Variants in CSMD1 observed in about 807,000 individuals in gnomAD.
CSMD1 encodes CUB and Sushi multiple domains 1.
A neutral mutation model predicts 417.5 loss-of-function variants in CSMD1; 213 were observed. That is an observed-to-expected ratio of 0.51 (90% CI 0.46 to 0.57). The LOEUF is 0.57. CSMD1 is among the 20% of genes least tolerant of loss of function. The pLI, the probability that CSMD1 is intolerant of heterozygous loss-of-function variation, is 0.00. For missense variants in CSMD1, 6,923 were observed against 4,529.7 expected (o/e 1.53, Z -15.17); for synonymous variants, 2,862 against 1,736.8 (o/e 1.65, Z -16.11).
At chr8:3,699,842 C>G (rs1563286043) in intron 7 of CSMD1, among the ~76,000 whole-genome samples, 1 of 151,208 alleles carries the variant, frequency 6.6e-6, no homozygotes, top group Non-Finnish European at 1.5e-5. Context: ...TCCCACACGA[C>G]ACACCATCCC....
At position 3,721,746 on chromosome 8, in the gene CSMD1, T is replaced by G. The variant is rs147757703; in HGVS notation, c.932-13255A>C. Among the ~76,000 whole-genome samples the G allele has an allele frequency of 4.7e-3, 718 of 152,316 alleles. 4 individuals are homozygous for G. The highest frequency in any genetic ancestry group is 0.016 in the African/African-American group (649 of 41,572). ...GGGGTGAAAAATAAAGGAACAGAAT[T>G]CTAAATTCTTTACATGAGGATAATA... On this transcript the variant is annotated intron_variant, in intron 6 of 69. Transcript: ENST00000635120.
chr8:3,571,675 T>A (rs2116923653), intron 10 of CSMD1, among the ~76,000 whole-genome samples: 1 of 152,116 alleles, frequency 6.6e-6, no homozygotes, highest in Non-Finnish European at 1.5e-5. Flanking sequence ...TCGGGGGTCC[T>A]GTGTTCCTCC....
chr8:3,485,729 C>T (rs1817990595), intron 11 of CSMD1, among the ~76,000 whole-genome samples: 1 of 150,398 alleles, frequency 6.6e-6, no homozygotes, highest in African/African-American at 2.5e-5. Context: ...CACTGCACTA[C>T]AGCCTGGGTG....
intron 1 of CSMD1, among the ~76,000 whole-genome samples, chr8:4,785,026 C>T (rs1303831520): frequency 1.3e-5 from 2 of 152,178 alleles, no homozygotes; most frequent in East Asian, 1.9e-4. Context: ...GAAATCAGTT[C>T]TGGGCACTGA....
At chr8:4,834,357 G>A (rs1309281351) in intron 1 of CSMD1, among the ~76,000 whole-genome samples, 1 of 152,174 alleles carries the variant, frequency 6.6e-6, no homozygotes, top group Non-Finnish European at 1.5e-5. Flanking sequence ...CGCATCATCT[G>A]TAGGAAGATA....
intron 12 of CSMD1, among the ~76,000 whole-genome samples, chr8:3,453,414 T>C (rs1267712843): frequency 5.3e-5 from 8 of 152,194 alleles, no homozygotes; most frequent in East Asian, 1.9e-4. Context: ...AGGATGTCAA[T>C]TTTAGATCTT....
intron 11 of CSMD1, among the ~76,000 whole-genome samples, chr8:3,477,130 G>C (rs986313483): frequency 3.9e-5 from 6 of 152,196 alleles, no homozygotes; most frequent in African/African-American, 1.2e-4. Flanking sequence ...AAAATAATTT[G>C]TTCAGACCTG....
chr8:3,800,938 G>A (rs529403751), intron 5 of CSMD1, among the ~76,000 whole-genome samples: 1 of 151,728 alleles, frequency 6.6e-6, no homozygotes, highest in Non-Finnish European at 1.5e-5. Flanking sequence ...AATTTATCCA[G>A]CCCCAAATAT....
intron 23 of CSMD1, among the ~76,000 whole-genome samples, chr8:3,323,328 A>T (rs1466487593): frequency 6.6e-6 from 1 of 152,080 alleles, no homozygotes; most frequent in Non-Finnish European, 1.5e-5. Flanking sequence ...CCATTTTCCC[A>T]AGTCTTACCT....
chr8:4,036,573 T>G (rs541907814), intron 3 of CSMD1, among the ~76,000 whole-genome samples: 64 of 152,312 alleles, frequency 4.2e-4, no homozygotes, highest in African/African-American at 1.4e-3. Flanking sequence ...TTCATCAATT[T>G]AGGAAAGGTA....
chr8:4,679,270 G>T (rs377486338), intron 1 of CSMD1, among the ~76,000 whole-genome samples: 1 of 152,298 alleles, frequency 6.6e-6, no homozygotes, highest in East Asian at 1.9e-4. Flanking sequence ...GAACACCCGA[G>T]AAGGTAGCTT....
In CSMD1 at chr8:4,084,315, T is replaced by C. The variant is rs555637617; in HGVS notation, c.416-52216A>G. ...CTTTTATGAAAAAAGTGACAAAAAA[T>C]ATTGGTTTGTTAAAAAAGAAAAAAA... On this transcript the variant is annotated intron_variant, in intron 3 of 69. Coordinates refer to ENST00000635120, the MANE Select transcript of CSMD1 (RefSeq NM_033225.6). Among the ~76,000 whole-genome samples, 121 of 126,582 alleles carry C rather than the reference T, an allele frequency of 9.6e-4. 1 individual carries two copies. The highest frequency in any genetic ancestry group is 1.2e-4 in the Non-Finnish European group (7 of 59,200). The allele number at this position is 126,582 out of a possible 152,430, so 83.0% of individuals were successfully genotyped here. A position where few individuals can be genotyped will look rare whatever the true frequency, so the allele number is the denominator to read the frequency against.
intron 3 of CSMD1, among the ~76,000 whole-genome samples, chr8:4,064,203 G>A (rs1254265620): frequency 6.6e-6 from 1 of 152,160 alleles, no homozygotes; most frequent in African/African-American, 2.4e-5. Context: ...CTTTCACCAT[G>A]GCTCAGATTT....
intron 2 of CSMD1, among the ~76,000 whole-genome samples, chr8:4,490,186 G>A (rs1275871629): frequency 2.0e-5 from 3 of 151,842 alleles, no homozygotes; most frequent in African/African-American, 7.3e-5. Context: ...GATTACAGGT[G>A]CCCGCCACTG....
chr8:3,283,407 T>G (rs1432406689), intron 26 of CSMD1, among the ~76,000 whole-genome samples: 1 of 152,144 alleles, frequency 6.6e-6, no homozygotes, highest in East Asian at 1.9e-4. Flanking sequence ...GTCTAGAAAT[T>G]TACTGACTAA....
chr8:3,187,139 GACCAGGGAGATAATCGC>G (rs1465335931), intron 36 of CSMD1, among the ~76,000 whole-genome samples: 2 of 152,208 alleles, frequency 1.3e-5, no homozygotes, highest in Admixed American at 6.5e-5. Flanking sequence ...GGACAGTGAT[GACCAGGGAGATAATCGC>G]AATACTGATC....
chr8:4,759,176 T>G (rs996714967), intron 1 of CSMD1, among the ~76,000 whole-genome samples: 1 of 152,176 alleles, frequency 6.6e-6, no homozygotes, highest in African/African-American at 2.4e-5. Context: ...GCAGCTATAA[T>G]TCTTGTTAGT....
At chr8:4,784,745 C>T (rs1361345218) in intron 1 of CSMD1, among the ~76,000 whole-genome samples, 2 of 152,114 alleles carry the variant, frequency 1.3e-5, no homozygotes, top group Admixed American at 1.3e-4. Flanking sequence ...TAAATGAAGT[C>T]ATATCTGCAA....
chr8:3,352,394 G>T (rs770374919), intron 21 of CSMD1, among the ~76,000 whole-genome samples: 1 of 152,154 alleles, frequency 6.6e-6, no homozygotes, highest in Non-Finnish European at 1.5e-5. Context: ...ACAAATTCTA[G>T]AATTTCAATA....
Sources: allele counts gnomAD v4.1 joint callset (sites outside exome capture counted in the v4.1 genomes callset), GRCh38; gene constraint gnomAD v4.1.1; transcripts MANE v1.5; gene names NCBI Gene and HGNC (gene_info 2026-07-23, HGNC 2026-07-21).